The following GRM8 variants were observed in gnomAD, a reference collection of about 807,000 sequenced individuals.
The protein encoded by GRM8 is metabotropic glutamate receptor 8.
In GRM8, 47 loss-of-function variants were observed where a neutral mutation model predicts 87.2. That is an observed-to-expected ratio of 0.54 (90% CI 0.43 to 0.69). The LOEUF (loss-of-function observed/expected upper bound fraction) is 0.69. GRM8 is among the 30% of genes least tolerant of loss of function. The pLI is 0.00. For missense variants in GRM8, 1,019 were observed against 1,139.2 expected, an observed-to-expected ratio of 0.89 and a Z score of 1.52; for synonymous variants, 396 against 404.5, an observed-to-expected ratio of 0.98 and a Z score of 0.25.
chr7:126,946,227 C>T (rs191709820), intron 3 of GRM8, among the ~76,000 whole-genome samples: 37 of 152,318 alleles, frequency 2.4e-4, no homozygotes, highest in African/African-American at 7.5e-4. Context: ...CTTGGCTAGG[C>T]ATAGTGGCTC....
intron 2 of GRM8, chr7:127,228,713 C>T (rs1474332979): frequency 6.6e-6 from 1 of 152,080 alleles, no homozygotes; most frequent in African/African-American, 2.4e-5. Flanking sequence ...TTTAAAATGT[C>T]CAATATCCAT....
chr7:127,125,765 AACACAC>A (rs375563287), intron 2 of GRM8, among the ~76,000 whole-genome samples: 59 of 141,188 alleles, frequency 4.2e-4, no homozygotes, highest in African/African-American at 1.2e-3. Context: ...CAAACAACTA[AACACAC>A]ACACACACAC....
chr7:126,475,484 AGAGAGTCCATGTTCAT>A (rs1296209491), intron 9 of GRM8, among the ~76,000 whole-genome samples: 2 of 152,144 alleles, frequency 1.3e-5, no homozygotes, highest in Non-Finnish European at 2.9e-5. Flanking sequence ...AAAAGTTGAA[AGAGAGTCCATGTTCAT>A]GAATTGGAAT....
At position 127,252,575 on chromosome 7, in the gene GRM8, G is replaced by A. The variant is rs1293863935; in HGVS notation, c.-312+222C>T. 6.6e-6 allele frequency among the ~76,000 whole-genome samples: 1 copy of A among 152,064 alleles called. No individual in the cohort carries two copies. The highest frequency in any genetic ancestry group is 2.4e-5 in the African/African-American group (1 of 41,404). On this transcript the variant is annotated intron_variant, in intron 1 of 10. Coordinates refer to ENST00000339582, the MANE Select transcript of GRM8 (RefSeq NM_000845.3). The surrounding 1 kb of genome is among the most constrained non-coding windows in gnomAD (Gnocchi z 4.9). ...ATGCAGGGCCATCTACTTGTGCTCA[G>A]GAAAAACAAATCACTAGAGTGATAT...
intron 6 of GRM8, among the ~76,000 whole-genome samples, chr7:126,892,899 A>T (rs1321969725): frequency 6.6e-6 from 1 of 151,900 alleles, no homozygotes; most frequent in Non-Finnish European, 1.5e-5. Flanking sequence ...GATGGTGAGC[A>T]TTTTTTCATG....
intron 2 of GRM8, among the ~76,000 whole-genome samples, chr7:127,238,305 CATGTGTGTGT>C (rs1175430790): frequency 1.6e-5 from 2 of 129,022 alleles, no homozygotes; most frequent in African/African-American, 6.4e-5. Flanking sequence ...TGTGTGTGTG[CATGTGTGTGT>C]GTGTGTGTGT....
At position 127,172,501 on chromosome 7, in the gene GRM8, T is replaced by G. The variant is rs187031826; in HGVS notation, c.511-65789A>C. On this transcript the variant is annotated intron_variant, in intron 2 of 10. Coordinates refer to ENST00000339582, the MANE Select transcript of GRM8 (RefSeq NM_000845.3). ...AGGTGGATCATTTGAGGTCAGGAGT[T>G]CAAGACCAGCCTGACCAACATGATG... is the stretch of plus-strand genomic sequence containing the variant. Among the ~76,000 whole-genome samples the G allele has an allele frequency of 2.3e-3, 356 of 152,030 alleles. 2 individuals carry two copies. The highest frequency in any genetic ancestry group is 6.8e-3 in the Middle Eastern group (2 of 294).
At position 126,657,493 on chromosome 7, in the gene GRM8, A is replaced by G. The variant is rs1804654547; in HGVS notation, c.1358-47995T>C. 2.0e-5 allele frequency among the ~76,000 whole-genome samples: 3 copies of G among 152,198 alleles called. No homozygotes were observed. In the South Asian group the frequency reaches 6.2e-4, roughly 32 times the overall value. ...TACACAGCATTAGTAAACCAAATAT[A>G]AATTTCTAACGTTTACTAATTATTA... On this transcript the variant is annotated intron_variant, in intron 7 of 10. Transcript: ENST00000339582.
chr7:127,165,141 G>GATATAT lies in GRM8; in HGVS notation c.511-58435_511-58430dup, dbSNP rs3993578. On this transcript the variant is annotated intron_variant, in intron 2 of 10. Transcript: ENST00000339582. Reference sequence around the variant, plus strand: ...GAGGCAGATAATAAACATGTAAACAGATATATATATATATATATATATATA... The same window carrying GATATAT: ...GAGGCAGATAATAAACATGTAAACAGATATATATATATATATATATATATATATATA... Among the ~76,000 whole-genome samples, 64 of 67,390 alleles carry GATATAT rather than the reference G, an allele frequency of 9.5e-4. 3 individuals are homozygous for GATATAT. Among genetic ancestry groups the GATATAT allele is most frequent in the Non-Finnish European group, 1.5e-3 (42 of 28,930 alleles). The allele number at this position is 67,390 out of a possible 152,430, so 44.2% of individuals were successfully genotyped here.
chr7:126,805,506 G>C (rs1346717150), intron 6 of GRM8, among the ~76,000 whole-genome samples: 2 of 152,148 alleles, frequency 1.3e-5, no homozygotes, highest in African/African-American at 2.4e-5. Context: ...AGTATTACTA[G>C]AGGTTCCACT....
intron 9 of GRM8, among the ~76,000 whole-genome samples, chr7:126,486,115 C>A (rs1214108544): frequency 3.3e-5 from 5 of 152,062 alleles, no homozygotes; most frequent in African/African-American, 9.6e-5. Context: ...AGTTGAACCC[C>A]CCGTCCAACA....
intron 2 of GRM8, among the ~76,000 whole-genome samples, chr7:127,157,549 GT>G (rs2116178642): frequency 6.6e-6 from 1 of 152,030 alleles, no homozygotes. Flanking sequence ...ATAGTAATAG[GT>G]GTTCTCCCTT....
rs567673507 is a variant in GRM8, at chr7:126,746,922, GA to G, written c.1357+22942del. On this transcript the variant is annotated intron_variant, in intron 7 of 10. Transcript: ENST00000339582. ...TAGTTTATAATGACTGAATATAAAA[GA>G]AAGAACACAGTAAACCACTGTGTAG... is the stretch of plus-strand genomic sequence containing the variant. 2.6e-5 allele frequency among the ~76,000 whole-genome samples: 4 copies of G among 151,706 alleles called. No individual in the cohort carries two copies. In the South Asian group the frequency reaches 8.3e-4, roughly 31 times the overall value.
At position 127,106,546 on chromosome 7, in the gene GRM8, T is replaced by C. The variant is rs1360244668; in HGVS notation, c.677A>G (p.Asn226Ser). Reference protein sequence around the residue: ...NYVSTLASEGNYGESGVEAFT... With the variant: ...NYVSTLASEGSYGESGVEAFT... ...GGCCTCCACACCGCTCTCACCATAGTTCCCCTCAGAAGCCAGTGTCGAAAC... is the reference window on the plus strand; with the variant it reads ...GGCCTCCACACCGCTCTCACCATAGCTCCCCTCAGAAGCCAGTGTCGAAAC... The change falls in exon 3 of 11, where the codon AAC (asparagine) becomes AGC (serine). Residue 226 changes from asparagine (N) to serine (S), a missense_variant. Coordinates refer to ENST00000339582, the MANE Select transcript of GRM8 (RefSeq NM_000845.3). 6.2e-7 allele frequency: 1 copy of C among 1,614,114 alleles called. No individual in the cohort carries two copies. Among genetic ancestry groups the C allele is most frequent in the Admixed American group, 1.7e-5 (1 of 59,996 alleles).
At chr7:126,618,642 A>G (rs1019999320) in intron 7 of GRM8, among the ~76,000 whole-genome samples, 4 of 152,216 alleles carry the variant, frequency 2.6e-5, no homozygotes, top group Non-Finnish European at 5.9e-5. Flanking sequence ...ACAAAGGGCT[A>G]ATATCCACAA....
intron 7 of GRM8, among the ~76,000 whole-genome samples, chr7:126,727,356 C>T (rs1479216993): frequency 2.0e-5 from 3 of 151,640 alleles, no homozygotes; most frequent in African/African-American, 2.4e-5. Context: ...TATTTGATTC[C>T]AACTTTAATT....
At chr7:126,636,572 G>T (rs1196765714) in intron 7 of GRM8, among the ~76,000 whole-genome samples, 1 of 151,978 alleles carries the variant, frequency 6.6e-6, no homozygotes, top group Non-Finnish European at 1.5e-5. Flanking sequence ...TGAATCTACA[G>T]ATGCAGAATC....
chr7:126,772,551 T>C (rs1818959652), intron 6 of GRM8, among the ~76,000 whole-genome samples: 1 of 152,022 alleles, frequency 6.6e-6, no homozygotes, highest in African/African-American at 2.4e-5. Flanking sequence ...ACCAGCTGAG[T>C]CTGTGGGCCA....
chr7:126,638,034 T>C (rs545457178), intron 7 of GRM8, among the ~76,000 whole-genome samples: 4 of 152,188 alleles, frequency 2.6e-5, no homozygotes, highest in Non-Finnish European at 5.9e-5. Context: ...TTTTCCATGA[T>C]GAAGGTATAT....
Sources: allele counts gnomAD v4.1 joint callset (sites outside exome capture counted in the v4.1 genomes callset), GRCh38; gene constraint gnomAD v4.1.1; non-coding constraint Gnocchi (gnomAD v3.1); transcripts MANE v1.5; gene names NCBI Gene and HGNC (gene_info 2026-07-23, HGNC 2026-07-21).